Variants in DMD observed in about 807,000 individuals in gnomAD.
The protein encoded by DMD is dystrophin.
In DMD, 63 loss-of-function variants were observed where a neutral mutation model predicts 330.1. That is an observed-to-expected ratio of 0.19 (90% CI 0.16 to 0.24). The LOEUF is 0.24. Ranked by LOEUF, DMD falls within the 10% of genes least tolerant of loss-of-function variation. DMD has a pLI of 1.00. For synonymous variants in DMD, 1,223 were observed against 959.8 expected (o/e 1.27, Z -5.07); for missense variants, 3,344 against 2,684.1 (o/e 1.25, Z -5.43).
intron 44 of DMD, among the ~76,000 whole-genome samples, chrX:31,976,122 T>C (rs2095434236): frequency 9.1e-6 from 1 of 110,240 alleles, no homozygotes; most frequent in African/African-American, 3.3e-5. Flanking sequence ...GGAGATATCA[T>C]GGTAGTTAAA....
chrX:31,188,126 T>A (rs1236432647), intron 67 of DMD, among the ~76,000 whole-genome samples: 1 of 112,292 alleles, frequency 8.9e-6, no homozygotes, highest in Non-Finnish European at 1.9e-5. Context: ...CTTTTAAAAC[T>A]GCTCACCTAC....
chrX:33,172,198 A>G (rs1230447377), intron 1 of DMD, among the ~76,000 whole-genome samples: 1 of 110,912 alleles, frequency 9.0e-6, no homozygotes, highest in Non-Finnish European at 1.9e-5. Context: ...TTATCAACAT[A>G]TATTACAGTA....
At chrX:32,087,584 G>A (rs1236064994) in intron 44 of DMD, among the ~76,000 whole-genome samples, 2 of 111,647 alleles carry the variant, frequency 1.8e-5, no homozygotes, top group Non-Finnish European at 1.9e-5. Flanking sequence ...ATATTGACCC[G>A]CTAGTCCGAG....
intron 2 of DMD, among the ~76,000 whole-genome samples, chrX:32,852,426 A>G (rs966474366): frequency 1.8e-5 from 2 of 111,128 alleles, no homozygotes; most frequent in Non-Finnish European, 3.8e-5. Context: ...GGTAAGACTC[A>G]GAGCCATGCT....
chrX:32,545,869 T>C (rs1410499400), intron 16 of DMD, among the ~76,000 whole-genome samples: 1 of 111,071 alleles, frequency 9.0e-6, no homozygotes, highest in Admixed American at 9.7e-5. Context: ...AAACAGCTTT[T>C]AAAATTACAA....
In DMD at chrX:32,189,768, C is replaced by T. The variant is rs1256606875; in HGVS notation, c.6438+27148G>A. Among the ~76,000 whole-genome samples, 4 of 110,788 alleles carry T rather than the reference C, an allele frequency of 3.6e-5. No homozygotes were observed. In the East Asian group the frequency reaches 1.1e-3, roughly 31 times the overall value. Reference sequence around the variant, plus strand: ...CACCTGCCAAAGGTCACGTGGGTGGCAAATATCTTCAGCAAAATTTTGACC... The same window carrying T: ...CACCTGCCAAAGGTCACGTGGGTGGTAAATATCTTCAGCAAAATTTTGACC... On this transcript the variant is annotated intron_variant, in intron 44 of 78. Coordinates refer to ENST00000357033, the MANE Select transcript of DMD (RefSeq NM_004006.3).
At chrX:31,707,735 A>G (rs1219991313) in intron 52 of DMD, among the ~76,000 whole-genome samples, 1 of 111,807 alleles carries the variant, frequency 8.9e-6, no homozygotes, top group Non-Finnish European at 1.9e-5. Flanking sequence ...CCTTTATCTA[A>G]CTGTCTGACT....
rs1277159165 is a variant in DMD, at chrX:32,816,025, C to T, written c.530+443G>A. 2.7e-5 allele frequency among the ~76,000 whole-genome samples: 3 copies of T among 111,133 alleles called. No homozygotes were observed. The East Asian group carries it at 8.5e-4, about 31-fold the overall frequency. ...CTGATAAGACAGATGTTTCTTTCTC[C>T]ACACTACGTATCTGATGATGGTAAT... is the stretch of plus-strand genomic sequence containing the variant. On this transcript the variant is annotated intron_variant, in intron 6 of 78. Coordinates refer to ENST00000357033, the MANE Select transcript of DMD (RefSeq NM_004006.3).
intron 64 of DMD, among the ~76,000 whole-genome samples, chrX:31,215,928 A>C (rs2045360879): frequency 8.9e-6 from 1 of 112,143 alleles, no homozygotes; most frequent in Admixed American, 9.4e-5. Flanking sequence ...ACCCAAACCA[A>C]AGTCCTTTTA....
intron 1 of DMD, among the ~76,000 whole-genome samples, chrX:33,200,352 G>A (rs1209068705): frequency 2.7e-5 from 3 of 110,711 alleles, no homozygotes; most frequent in African/African-American, 9.8e-5. Flanking sequence ...TATCAGTAAA[G>A]CCAAAAACTT....
At chrX:32,595,919 T>C (rs200679526) in intron 12 of DMD, 43 bp from the exon 13 acceptor site, 35 of 1,071,528 alleles carry the variant, frequency 3.3e-5, no homozygotes, top group Non-Finnish European at 3.8e-5. Flanking sequence ...ATGATATTCT[T>C]ACATGTGTGT....
intron 11 of DMD, among the ~76,000 whole-genome samples, chrX:32,619,188 G>C (rs890939893): frequency 3.6e-5 from 4 of 111,503 alleles, no homozygotes; most frequent in African/African-American, 1.3e-4. Context: ...AGGATATTAT[G>C]TTAAGTGAAA....
At chrX:32,021,171 C>T (rs765956911) in intron 44 of DMD, among the ~76,000 whole-genome samples, 6 of 112,032 alleles carry the variant, frequency 5.4e-5, no homozygotes, top group South Asian at 3.7e-4. Flanking sequence ...AATGTCCATA[C>T]GCATGTAAAA....
intron 59 of DMD, among the ~76,000 whole-genome samples, chrX:31,452,386 G>A (rs1300598584): frequency 1.8e-5 from 2 of 108,791 alleles, no homozygotes; most frequent in African/African-American, 3.4e-5. Flanking sequence ...AGTTACAGAC[G>A]AGCCTGGCCA....
chrX:32,656,500 A>T (rs2060582623), intron 9 of DMD, among the ~76,000 whole-genome samples: 1 of 112,242 alleles, frequency 8.9e-6, no homozygotes, highest in Non-Finnish European at 1.9e-5. Flanking sequence ...GCAATCTCAT[A>T]TACTGATATA....
At chrX:32,794,228 A>G (rs956235853) in intron 7 of DMD, among the ~76,000 whole-genome samples, 6 of 112,235 alleles carry the variant, frequency 5.3e-5, no homozygotes, top group Admixed American at 4.7e-4. Flanking sequence ...AACAAAATAA[A>G]GACCATATAT....
chrX:32,631,602 C>T (rs139682221), intron 11 of DMD, among the ~76,000 whole-genome samples: 183 of 111,716 alleles, frequency 1.6e-3, no homozygotes, highest in African/African-American at 5.8e-3. Context: ...GGCATCTGCT[C>T]TGCTTCTGCG....
intron 53 of DMD, among the ~76,000 whole-genome samples, chrX:31,659,492 A>T (rs2148623897): frequency 9.2e-6 from 1 of 108,383 alleles, no homozygotes; most frequent in East Asian, 2.9e-4. Context: ...TATAAAAATT[A>T]GCCGGGTGTG....
chrX:32,862,153 G>C (rs752530660), intron 2 of DMD, among the ~76,000 whole-genome samples: 2 of 111,975 alleles, frequency 1.8e-5, no homozygotes, highest in African/African-American at 6.5e-5. Context: ...ACGAAAATCT[G>C]GCTATGAAGA....
Sources: gnomAD v4.1 joint callset for allele counts (sites outside exome capture counted in the v4.1 genomes callset) on GRCh38, gnomAD v4.1.1 for gene constraint, MANE v1.5 for transcripts, NCBI Gene and HGNC (gene_info 2026-07-23, HGNC 2026-07-21) for gene names.